PBLD: variants seen among roughly 807,000 people sequenced by gnomAD.
PBLD encodes phenazine biosynthesis-like domain-containing protein.
In PBLD, 26 loss-of-function variants were observed where a neutral mutation model predicts 31.3. The observed-to-expected ratio is 0.83, with a 90% confidence interval of 0.61 to 1.15. The LOEUF (loss-of-function observed/expected upper bound fraction) is 1.15, where lower values mean the gene tolerates loss of function less well. Ranked by LOEUF, PBLD falls within the 50% of genes most tolerant of loss-of-function variation. PBLD has a pLI of 0.00. For missense variants in PBLD, 307 were observed against 351.7 expected (o/e 0.87, Z 1.02); for synonymous variants, 114 against 129.0 (o/e 0.88, Z 0.79).
chr10:68,284,382 C>T (rs1341964709), intron 9 of PBLD, 93 bp from the exon 10 acceptor site: 1 of 1,060,462 alleles, frequency 9.4e-7, no homozygotes, highest in Non-Finnish European at 1.4e-6. Context: ...TTAGAGTCCT[C>T]CCAGATCAGT....
chr10:68,293,329 A>G (rs1265498819), intron 4 of PBLD, among the ~76,000 whole-genome samples: 1 of 152,250 alleles, frequency 6.6e-6, no homozygotes, highest in African/African-American at 2.4e-5. Context: ...TTTTTACATA[A>G]CAATGTAATT....
chr10:68,291,434 C>T (rs546157540), intron 6 of PBLD, among the ~76,000 whole-genome samples: 153 of 152,260 alleles, frequency 1.0e-3, no homozygotes, highest in Admixed American at 3.4e-3. Context: ...TCTTGGTTTC[C>T]TCTATCAAAG....
At chr10:68,301,421 G>T (rs1340038788) in intron 2 of PBLD, among the ~76,000 whole-genome samples, 3 of 152,130 alleles carry the variant, frequency 2.0e-5, no homozygotes, top group African/African-American at 4.8e-5. Context: ...ACTCTCCATG[G>T]CCTGTTGAAT....
At chr10:68,288,874 G>A in intron 7 of PBLD, 57 bp downstream of exon 7, 1 of 1,483,418 alleles carries the variant, frequency 6.7e-7, no homozygotes, top group Non-Finnish European at 9.4e-7. Context: ...CTAAGGAAGA[G>A]CTATAAATCT....
At chr10:68,309,805 C>CAA (rs757212310) in intron 1 of PBLD, among the ~76,000 whole-genome samples, 19 of 131,880 alleles carry the variant, frequency 1.4e-4, no homozygotes, top group Admixed American at 1.4e-3. Context: ...GACTCCGTCT[C>CAA]AAAAAAAAAA....
intron 1 of PBLD, among the ~76,000 whole-genome samples, chr10:68,310,365 G>GTATATATATATATATATATATATA (rs34887418): frequency 7.1e-6 from 1 of 140,302 alleles, no homozygotes; most frequent in Non-Finnish European, 1.5e-5. Flanking sequence ...ATGTTTTGAA[G>GTATATATATATATATATATATATA]TATATATATA....
At chr10:68,313,756 G>A (rs890799349) in intron 1 of PBLD, among the ~76,000 whole-genome samples, 2 of 152,114 alleles carry the variant, frequency 1.3e-5, no homozygotes, top group Non-Finnish European at 1.5e-5. Flanking sequence ...TTGATATTAA[G>A]ATGCTTTCTA....
At chr10:68,305,270 C>CTTT (rs71009039) in intron 2 of PBLD, among the ~76,000 whole-genome samples, 20 of 136,064 alleles carry the variant, frequency 1.5e-4, no homozygotes, top group Non-Finnish European at 2.6e-4. Flanking sequence ...ATCAGTCCTC[C>CTTT]TTTTTTTTTT....
chr10:68,325,175 C>T lies in PBLD; in HGVS notation c.-60+7609G>A, dbSNP rs145002235. Among the ~76,000 whole-genome samples, 668 of 152,130 alleles carry T rather than the reference C, an allele frequency of 4.4e-3. 3 individuals carry two copies. Among genetic ancestry groups the T allele is most frequent in the Middle Eastern group, 0.017 (5 of 294 alleles). The stretch of plus-strand genomic sequence containing the variant: ...AGGAGAATTGCTTGAACCCGGGAGG[C>T]GGAAGTTGCAGTGAGCTGAGACTGT... On this transcript the variant is annotated intron_variant, in intron 1 of 9. Coordinates refer to ENST00000358769, the MANE Select transcript of PBLD (RefSeq NM_022129.4).
intron 2 of PBLD, among the ~76,000 whole-genome samples, chr10:68,297,822 C>T (rs1034998181): frequency 2.0e-5 from 3 of 151,952 alleles, no homozygotes; most frequent in Non-Finnish European, 4.4e-5. Flanking sequence ...AGAATGAGAG[C>T]TTAGTTAGGC....
chr10:68,310,358 T>A (rs1317142033), intron 1 of PBLD, among the ~76,000 whole-genome samples: 1 of 101,120 alleles, frequency 9.9e-6, no homozygotes, highest in Non-Finnish European at 1.9e-5. Flanking sequence ...CAATATAATG[T>A]TTTGAAGTAT....
intron 9 of PBLD, 79 bp from the exon 10 acceptor site, chr10:68,284,368 A>G (rs1229401405): frequency 8.3e-7 from 1 of 1,199,506 alleles, no homozygotes; most frequent in East Asian, 2.4e-5. Flanking sequence ...ACTTATTACA[A>G]ATCTTAGAGT....
intron 1 of PBLD, among the ~76,000 whole-genome samples, chr10:68,310,522 G>A (rs2044652398): frequency 6.7e-6 from 1 of 149,518 alleles, no homozygotes. Flanking sequence ...TAGTCATGAT[G>A]CTATACAATA....
chr10:68,293,696 T>G (rs937581887), intron 4 of PBLD, among the ~76,000 whole-genome samples: 3 of 152,204 alleles, frequency 2.0e-5, no homozygotes, highest in Non-Finnish European at 2.9e-5. Flanking sequence ...CCAACCCACG[T>G]GGAGTCCAGT....
rs530740475 is a variant in PBLD, at chr10:68,326,394, A to C, written c.-60+6390T>G. Among the ~76,000 whole-genome samples, 26 of 152,302 alleles carry C rather than the reference A, an allele frequency of 1.7e-4. No homozygotes were observed. In the South Asian group the frequency reaches 5.0e-3, roughly 29 times the overall value. ...ACATATACTGACCTACTAGGAATTC[A>C]GTAATGCTCTCAAATCAATTTCCAT... On this transcript the variant is annotated intron_variant, in intron 1 of 9. Coordinates refer to ENST00000358769, the MANE Select transcript of PBLD (RefSeq NM_022129.4).
chr10:68,283,712 A>G lies in PBLD; in HGVS notation c.*465T>C. 6.4e-6 allele frequency: 1 copy of G among 155,062 alleles called. No individual in the cohort carries two copies. The highest frequency in any genetic ancestry group is 6.3e-5 in the Admixed American group (1 of 16,000). 9.6% of individuals were successfully genotyped at this position (155,062 alleles called of 1,614,324 possible). ...TTCATTAGTCTGGAAGCACTATTAAATCTCCATTAAAATGTCTTCACTTTT... is the reference window on the plus strand; with the variant it reads ...TTCATTAGTCTGGAAGCACTATTAAGTCTCCATTAAAATGTCTTCACTTTT... On this transcript the variant is annotated 3_prime_UTR_variant, in exon 10 of 10. Coordinates refer to ENST00000358769, the MANE Select transcript of PBLD (RefSeq NM_022129.4).
At chr10:68,292,512 CT>C (rs66894235) in intron 4 of PBLD, among the ~76,000 whole-genome samples, 6,965 of 147,184 alleles carry the variant, frequency 0.047, 241 homozygotes, top group East Asian at 0.18. Flanking sequence ...ACTTAGCCTC[CT>C]TTTTTTTTTT....
In PBLD at chr10:68,284,229, A is replaced by G. The variant is rs1208094093; in HGVS notation, c.815T>C (p.Val272Ala). 2 of 1,613,946 alleles carry G rather than the reference A, an allele frequency of 1.2e-6. No individual in the cohort carries two copies. The highest frequency in any genetic ancestry group is 4.5e-5 in the East Asian group (2 of 44,880). The change falls in exon 10 of 10, where the codon GTT becomes GCT. Residue 272 changes from valine to alanine, a missense_variant. Transcript: ENST00000358769. Reference sequence around the variant, plus strand: ...AACAGCTGCACCTCCTCTAATGTCAACCCTTCCGTCTGGACGAAGGGAAAT... The same window carrying G: ...AACAGCTGCACCTCCTCTAATGTCAGCCCTTCCGTCTGGACGAAGGGAAAT... ...LGISLRPDGR[V>A]DIRGGAAVVL... is the part of the protein sequence containing the mutation.
intron 1 of PBLD, among the ~76,000 whole-genome samples, chr10:68,321,617 G>C (rs1480690325): frequency 6.6e-6 from 1 of 152,134 alleles, no homozygotes; most frequent in Non-Finnish European, 1.5e-5. Flanking sequence ...AAAAGACCTG[G>C]AGCTTCCTGG....
Sources: allele counts gnomAD v4.1 joint callset (sites outside exome capture counted in the v4.1 genomes callset), GRCh38; gene constraint gnomAD v4.1.1; transcripts MANE v1.5; gene names NCBI Gene and HGNC (gene_info 2026-07-23, HGNC 2026-07-21).